The following SORCS2 variants were observed in gnomAD, a reference collection of about 807,000 sequenced individuals.
SORCS2 encodes the protein sortilin related VPS10 domain containing receptor 2.
In SORCS2, 100 loss-of-function variants were observed where a neutral mutation model predicts 141.6. The ratio of observed to expected loss-of-function variants is 0.71; its 90% confidence interval spans 0.60 to 0.83. The LOEUF is 0.83. SORCS2 is among the 40% of genes least tolerant of loss of function. The pLI, the probability that SORCS2 is intolerant of heterozygous loss-of-function variation, is 0.00. For missense variants in SORCS2, 1,646 were observed against 1,560.2 expected, an observed-to-expected ratio of 1.05 and a Z score of -0.93; for synonymous variants, 789 against 676.9, an observed-to-expected ratio of 1.17 and a Z score of -2.57.
chr4:7,693,963 C>T (rs1302608453), intron 11 of SORCS2, among the ~76,000 whole-genome samples: 3 of 152,162 alleles, frequency 2.0e-5, no homozygotes, highest in Non-Finnish European at 2.9e-5. Context: ...GGAGCACCGG[C>T]GGAACCTGGA....
intron 1 of SORCS2, among the ~76,000 whole-genome samples, chr4:7,253,141 C>T (rs576619751): frequency 5.6e-4 from 85 of 152,370 alleles, no homozygotes; most frequent in Non-Finnish European, 8.8e-5. Flanking sequence ...AAAGCCTGGC[C>T]GTCCCGGCCT....
chr4:7,390,796 C>G (rs3852121), intron 1 of SORCS2, among the ~76,000 whole-genome samples: 34,844 of 152,110 alleles, frequency 0.23, 4,578 homozygotes, highest in Middle Eastern at 0.34. Context: ...TGAAAATGGT[C>G]TTTTAGAAAC....
At chr4:7,270,481 C>A (rs144847752) in intron 1 of SORCS2, among the ~76,000 whole-genome samples, 5 of 152,230 alleles carry the variant, frequency 3.3e-5, no homozygotes, top group Admixed American at 6.5e-5. Context: ...TTCCCTCCAG[C>A]GCTTCCTCTG....
At chr4:7,560,046 G>C (rs971176965) in intron 3 of SORCS2, among the ~76,000 whole-genome samples, 12 of 152,218 alleles carry the variant, frequency 7.9e-5, no homozygotes, top group African/African-American at 2.7e-4. Context: ...TTCTGTGGAG[G>C]CCCTGGCCTG....
At position 7,661,834 on chromosome 4, in the gene SORCS2, A is replaced by G. The variant is rs1008870352; in HGVS notation, c.952+270A>G. On this transcript the variant is annotated intron_variant, in intron 6 of 26. Transcript: ENST00000507866. ...TGAGTGTTTCCCACTCACTCAGCCC[A>G]CCACCCCTGGCATGTGCTAAGTGTG... Among the ~76,000 whole-genome samples the G allele has an allele frequency of 3.3e-5, 5 of 152,194 alleles. No individual in the cohort carries two copies. In the East Asian group the frequency reaches 9.7e-4, roughly 29 times the overall value.
chr4:7,728,192 C>T (rs1727353231), intron 21 of SORCS2, among the ~76,000 whole-genome samples, 158 bp from the exon 22 acceptor site: 1 of 152,202 alleles, frequency 6.6e-6, no homozygotes, highest in African/African-American at 2.4e-5. Flanking sequence ...CTGCTGTCGG[C>T]CTGCTTGAGA....
intron 2 of SORCS2, among the ~76,000 whole-genome samples, chr4:7,454,868 G>T (rs1186673994): frequency 1.6e-5 from 2 of 127,586 alleles, no homozygotes; most frequent in Non-Finnish European, 3.3e-5. Context: ...TTGGGGTCAG[G>T]TGCTGTGTGT....
In SORCS2 at chr4:7,538,720, G is replaced by A. The variant is rs79693748; in HGVS notation, c.648+7091G>A. ...CCCGGGCCCTTGACCCCAGATATGAGAAGCACAGGGTTAGGACAAAATCTC... is the reference window on the plus strand; with the variant it reads ...CCCGGGCCCTTGACCCCAGATATGAAAAGCACAGGGTTAGGACAAAATCTC... On this transcript the variant is annotated intron_variant, in intron 3 of 26. Coordinates refer to ENST00000507866, the MANE Select transcript of SORCS2 (RefSeq NM_020777.3). Among the ~76,000 whole-genome samples, 26 of 152,286 alleles carry A rather than the reference G, an allele frequency of 1.7e-4. No individual in the cohort carries two copies. The East Asian group carries it at 5.0e-3, about 29-fold the overall frequency.
chr4:7,469,204 G>A (rs904595599), intron 2 of SORCS2, among the ~76,000 whole-genome samples: 6 of 152,000 alleles, frequency 3.9e-5, no homozygotes, highest in Admixed American at 1.3e-4. Context: ...GGTGGTGGTG[G>A]TGATGATGCT....
At chr4:7,374,152 T>A (rs866105489) in intron 1 of SORCS2, among the ~76,000 whole-genome samples, 5 of 146,772 alleles carry the variant, frequency 3.4e-5, no homozygotes, top group Non-Finnish European at 6.0e-5. Flanking sequence ...TCTTTCTTTC[T>A]TTCTTTCTTT....
chr4:7,510,384 C>G (rs1732547499), intron 2 of SORCS2, among the ~76,000 whole-genome samples: 1 of 152,210 alleles, frequency 6.6e-6, no homozygotes, highest in African/African-American at 2.4e-5. Context: ...TCCAGGAGGG[C>G]GCCCTGTCCT....
In SORCS2 at chr4:7,712,839, C is replaced by A. The variant is rs1363973359; in HGVS notation, c.1975C>A (p.Leu659Ile). ...CGAGGAGGACTACAGCTCCTGGGAGCTCTCCAACCTGCAGGTGGGCCGGCA... is the reference window on the plus strand; with the variant it reads ...CGAGGAGGACTACAGCTCCTGGGAGATCTCCAACCTGCAGGTGGGCCGGCA... Reference protein sequence around the residue: ...CGEEDYSSWELSNLQGDRCIM... With the variant: ...CGEEDYSSWEISNLQGDRCIM... Residue 659 changes from leucine to isoleucine, a missense_variant, in exon 15 of 27, where the codon CTC becomes ATC. Transcript: ENST00000507866. The A allele has an allele frequency of 2.5e-6, 4 of 1,613,910 alleles. No homozygotes were observed. In the South Asian group the frequency reaches 4.4e-5, roughly 18 times the overall value.
intron 11 of SORCS2, among the ~76,000 whole-genome samples, chr4:7,695,396 GTGGTTGGGTGGGTGGGTGGA>G: frequency 3.7e-5 from 1 of 26,716 alleles, no homozygotes; most frequent in African/African-American, 1.6e-4. Context: ...TGGTGGGTGG[GTGGTTGGGTGGGTGGGTGGA>G]TGGTTGGATG....
At chr4:7,545,493 C>G (rs1713186357) in intron 3 of SORCS2, among the ~76,000 whole-genome samples, 1 of 152,202 alleles carries the variant, frequency 6.6e-6, no homozygotes, top group South Asian at 2.1e-4. Context: ...AGACAGGGAC[C>G]TGCCCATGGG....
At chr4:7,263,158 G>A (rs76092698) in intron 1 of SORCS2, among the ~76,000 whole-genome samples, 2,015 of 152,308 alleles carry the variant, frequency 0.013, 18 homozygotes, top group Middle Eastern at 0.031. Context: ...TTCCTCATGG[G>A]CAAATGCAGG....
intron 1 of SORCS2, among the ~76,000 whole-genome samples, chr4:7,390,194 A>G (rs1207710507): frequency 6.6e-6 from 1 of 152,194 alleles, no homozygotes; most frequent in Non-Finnish European, 1.5e-5. Flanking sequence ...GTTGGCAATC[A>G]ACACTAAGTT....
intron 3 of SORCS2, among the ~76,000 whole-genome samples, chr4:7,574,487 C>T (rs537924572): frequency 1.3e-5 from 2 of 152,246 alleles, no homozygotes; most frequent in African/African-American, 2.4e-5. Context: ...GTTTCAGCTA[C>T]GTGTGTGTTA....
At chr4:7,303,746 T>C (rs1475569609) in intron 1 of SORCS2, among the ~76,000 whole-genome samples, 1 of 152,226 alleles carries the variant, frequency 6.6e-6, no homozygotes. Flanking sequence ...TGCTGAATTG[T>C]GGGTGAAGGA....
At chr4:7,240,957 A>C (rs1239617447) in intron 1 of SORCS2, among the ~76,000 whole-genome samples, 1 of 152,200 alleles carries the variant, frequency 6.6e-6, no homozygotes, top group East Asian at 1.9e-4. Flanking sequence ...TTTTTGAGGC[A>C]GAGTCTCATT....
Sources: allele counts gnomAD v4.1 joint callset (sites outside exome capture counted in the v4.1 genomes callset), GRCh38; gene constraint gnomAD v4.1.1; transcripts MANE v1.5; gene names NCBI Gene and HGNC (gene_info 2026-07-23, HGNC 2026-07-21).